Variants in JAZF1 observed in about 807,000 individuals in gnomAD.
JAZF1 encodes the protein juxtaposed with another zinc finger protein 1.
A neutral mutation model predicts 26.4 loss-of-function variants in JAZF1; 8 were observed. That is an observed-to-expected ratio of 0.30 (90% CI 0.18 to 0.55). The LOEUF (loss-of-function observed/expected upper bound fraction) is 0.55. Ranked by LOEUF, JAZF1 falls within the 20% of genes least tolerant of loss-of-function variation. JAZF1 has a pLI of 0.94. For missense variants in JAZF1, 199 were observed against 322.0 expected (o/e 0.62, Z 2.92); for synonymous variants, 126 against 122.3 (o/e 1.03, Z -0.20).
chr7:27,870,536 GAAT>G (rs766827168), intron 3 of JAZF1, among the ~76,000 whole-genome samples: 1 of 152,094 alleles, frequency 6.6e-6, no homozygotes, highest in Admixed American at 6.5e-5. Flanking sequence ...CTGTGTCATA[GAAT>G]AATAATATTT....
chr7:27,863,617 C>T (rs1373395902), intron 3 of JAZF1, among the ~76,000 whole-genome samples: 1 of 152,184 alleles, frequency 6.6e-6, no homozygotes, highest in Non-Finnish European at 1.5e-5. Context: ...GCAAGCTCTG[C>T]AAAACTGAAT....
chr7:27,881,790 A>AC (rs1271311448), intron 3 of JAZF1, among the ~76,000 whole-genome samples: 2 of 152,060 alleles, frequency 1.3e-5, no homozygotes, highest in African/African-American at 4.8e-5. Flanking sequence ...GGGCCTTTCC[A>AC]CCCCTGAATT....
At chr7:27,890,629 T>C (rs1783956548) in intron 3 of JAZF1, among the ~76,000 whole-genome samples, 1 of 152,170 alleles carries the variant, frequency 6.6e-6, no homozygotes, top group South Asian at 2.1e-4. Context: ...AGCCTCTATT[T>C]CTTATCTGTA....
intron 1 of JAZF1, among the ~76,000 whole-genome samples, chr7:28,068,217 G>GTTT (rs551935511): frequency 5.6e-5 from 7 of 124,472 alleles, no homozygotes; most frequent in East Asian, 2.4e-4. Flanking sequence ...GCTCAGCCTA[G>GTTT]TTTTTTTTTT....
At chr7:27,923,051 C>G (rs1286287295) in intron 2 of JAZF1, among the ~76,000 whole-genome samples, 1 of 152,214 alleles carries the variant, frequency 6.6e-6, no homozygotes, top group East Asian at 1.9e-4. Context: ...AGGCAAGAAC[C>G]CAGGCTGTGG....
intron 2 of JAZF1, among the ~76,000 whole-genome samples, chr7:27,958,703 G>A (rs372299290): frequency 6.6e-6 from 1 of 152,144 alleles, no homozygotes; most frequent in Non-Finnish European, 1.5e-5. Flanking sequence ...CCATAACTTG[G>A]GAGTAAAGTA....
intron 1 of JAZF1, among the ~76,000 whole-genome samples, chr7:28,105,077 G>A (rs1403733714): frequency 6.6e-6 from 1 of 152,052 alleles, no homozygotes; most frequent in Non-Finnish European, 1.5e-5. Flanking sequence ...AACTCTAGGA[G>A]ATACAGAAAA....
At chr7:28,013,458 A>G (rs1782832613) in intron 1 of JAZF1, among the ~76,000 whole-genome samples, 1 of 151,786 alleles carries the variant, frequency 6.6e-6, no homozygotes, top group South Asian at 2.1e-4. Flanking sequence ...AGCTCAGGAT[A>G]GCGGGGGTTG....
chr7:28,021,220 A>G (rs1311542469), intron 1 of JAZF1, among the ~76,000 whole-genome samples: 1 of 152,166 alleles, frequency 6.6e-6, no homozygotes, highest in Non-Finnish European at 1.5e-5. Context: ...ATGGGAGAGC[A>G]GCATTTTTTC....
chr7:28,160,401 T>A (rs945676771), intron 1 of JAZF1, among the ~76,000 whole-genome samples: 1 of 151,986 alleles, frequency 6.6e-6, no homozygotes, highest in African/African-American at 2.4e-5. Context: ...GTGTCCCCCA[T>A]CTAGAATGTA....
intron 1 of JAZF1, among the ~76,000 whole-genome samples, chr7:28,063,555 C>G (rs1437178893): frequency 2.0e-5 from 3 of 152,094 alleles, no homozygotes; most frequent in Non-Finnish European, 4.4e-5. Flanking sequence ...AAGTGTATAA[C>G]CCATATAATT....
chr7:28,092,571 G>A (rs886668687), intron 1 of JAZF1, among the ~76,000 whole-genome samples: 3 of 152,138 alleles, frequency 2.0e-5, no homozygotes, highest in South Asian at 4.2e-4. Context: ...GGCTGGATGC[G>A]GTGGCTCACA....
At chr7:28,143,006 C>T (rs981946306) in intron 1 of JAZF1, among the ~76,000 whole-genome samples, 1 of 152,176 alleles carries the variant, frequency 6.6e-6, no homozygotes, top group African/African-American at 2.4e-5. Context: ...TCAGTCTCTA[C>T]CCTGCCTCCA....
chr7:28,022,658 T>G lies in JAZF1; in HGVS notation c.116-30677A>C, dbSNP rs148611668. Among the ~76,000 whole-genome samples, 394 of 152,368 alleles carry G rather than the reference T, an allele frequency of 2.6e-3. 2 individuals are homozygous for G. The highest frequency in any genetic ancestry group is 9.2e-3 in the African/African-American group (381 of 41,582). On this transcript the variant is annotated intron_variant, in intron 1 of 4. Coordinates refer to ENST00000283928, the MANE Select transcript of JAZF1 (RefSeq NM_175061.4). Reference sequence around the variant, plus strand: ...TTTACTATATCCTTTACTATTCTCTTAGTCTTCTTTGCATATATATTTTTA... The same window carrying G: ...TTTACTATATCCTTTACTATTCTCTGAGTCTTCTTTGCATATATATTTTTA...
intron 1 of JAZF1, among the ~76,000 whole-genome samples, chr7:28,033,159 C>G (rs1033069300): frequency 1.3e-5 from 2 of 152,118 alleles, no homozygotes; most frequent in South Asian, 2.1e-4. Context: ...GTGCCTGGTA[C>G]TTAGTTGACA....
intron 1 of JAZF1, among the ~76,000 whole-genome samples, chr7:28,133,184 T>C (rs1782824441): frequency 6.6e-6 from 1 of 152,216 alleles, no homozygotes; most frequent in African/African-American, 2.4e-5. Flanking sequence ...AATGACTTGA[T>C]AAGTGGACCA....
intron 1 of JAZF1, among the ~76,000 whole-genome samples, chr7:28,045,667 C>G (rs1461630523): frequency 6.6e-6 from 1 of 152,112 alleles, no homozygotes; most frequent in Non-Finnish European, 1.5e-5. Flanking sequence ...GCCTTGAACT[C>G]CTGGGCTCAA....
intron 2 of JAZF1, among the ~76,000 whole-genome samples, chr7:27,914,991 C>T (rs1784422520): frequency 6.6e-6 from 1 of 152,084 alleles, no homozygotes; most frequent in Admixed American, 6.5e-5. Context: ...AGGATTAGAC[C>T]CAGCCTCAGC....
At chr7:28,050,926 G>A (rs985405679) in intron 1 of JAZF1, among the ~76,000 whole-genome samples, 1 of 152,088 alleles carries the variant, frequency 6.6e-6, no homozygotes, top group Non-Finnish European at 1.5e-5. Context: ...AAGGTCAGGA[G>A]TTCAAGACCA....
Sources: gnomAD v4.1 joint callset for allele counts (sites outside exome capture counted in the v4.1 genomes callset) on GRCh38, gnomAD v4.1.1 for gene constraint, MANE v1.5 for transcripts, NCBI Gene and HGNC (gene_info 2026-07-23, HGNC 2026-07-21) for gene names.